Variants in PRKAB2 observed in about 807,000 individuals in gnomAD.
The protein encoded by PRKAB2 is protein kinase AMP-activated non-catalytic subunit beta 2, also known as 5'-AMP-activated protein kinase subunit beta-2.
A neutral mutation model predicts 29.8 loss-of-function variants in PRKAB2; 18 were observed. The ratio of observed to expected loss-of-function variants is 0.60; its 90% CI spans 0.42 to 0.89. The LOEUF is 0.89. Ranked by LOEUF, PRKAB2 falls within the 40% of genes least tolerant of loss-of-function variation. The pLI is 0.00. For synonymous variants in PRKAB2, 136 were observed against 125.9 expected (o/e 1.08, Z -0.54); for missense variants, 270 against 344.3 (o/e 0.78, Z 1.71).
In PRKAB2 at chr1:147,159,115, G is replaced by T. The variant is rs1329367813; in HGVS notation, c.*450C>A. 1 of 159,304 alleles carries T rather than the reference G, an allele frequency of 6.3e-6. No homozygotes were observed. Among genetic ancestry groups the T allele is most frequent in the Non-Finnish European group, 1.4e-5 (1 of 72,392 alleles). The allele number at this position is 159,304 out of a possible 1,614,324, so 9.9% of individuals were successfully genotyped here. A position where few individuals can be genotyped will look rare whatever the true frequency, so the allele number is the denominator to read the frequency against. On this transcript the variant is annotated 3_prime_UTR_variant, in exon 8 of 8. Transcript: ENST00000254101. ...GCAAGAAAAACTGCCCTTGCAATGA[G>T]GCAGCTGTTAAGTAGGGCAGCGGTC...
At chr1:147,159,693 T>TA in intron 7 of PRKAB2, 51 bp from the exon 8 acceptor site, 1 of 1,515,904 alleles carries the variant, frequency 6.6e-7, no homozygotes. Context: ...AGACAGTAGG[T>TA]AGCTCTTCCC....
chr1:147,165,351 G>C (rs183234832), intron 5 of PRKAB2, among the ~76,000 whole-genome samples: 3 of 152,264 alleles, frequency 2.0e-5, no homozygotes, highest in Admixed American at 2.0e-4. Flanking sequence ...AAACAGCAAA[G>C]CCACCCTTCT....
chr1:147,169,576 CAA>C (rs1654416986), intron 2 of PRKAB2, among the ~76,000 whole-genome samples: 1 of 152,002 alleles, frequency 6.6e-6, no homozygotes, highest in East Asian at 1.9e-4. Flanking sequence ...GTTAAAATAA[CAA>C]AGAAAAAACC....
intron 7 of PRKAB2, 98 bp from the exon 8 acceptor site, chr1:147,159,740 A>T: frequency 9.4e-7 from 1 of 1,060,930 alleles, no homozygotes; most frequent in East Asian, 2.5e-5. Flanking sequence ...CTTTTAACAG[A>T]GATAGTTTGA....
Position 147,167,882 on chromosome 1 carries a change from C to T in PRKAB2, c.208G>A (p.Val70Ile), listed in dbSNP as rs782714734. ...VSWQQDLEDS[V>I]KPTQQARPTV... ...GGCCGGGCCTGCTGTGTGGGCTTTA[C>T]GGAGTCCTCCAAATCCTGCTGCCAT... Residue 70 changes from valine (V) to isoleucine (I), a missense_variant, in exon 3 of 8, where the codon GTA becomes ATA. Val to Ile is a conservative substitution (Grantham distance 29, BLOSUM62 3). Coordinates refer to ENST00000254101, the MANE Select transcript of PRKAB2 (RefSeq NM_005399.5). 4.7e-5 allele frequency: 76 copies of T among 1,613,982 alleles called. 1 individual carries two copies. The highest frequency in any genetic ancestry group is 5.7e-5 in the Non-Finnish European group (67 of 1,180,006).
At chr1:147,171,607 A>G (rs1437340685) in intron 2 of PRKAB2, among the ~76,000 whole-genome samples, 2 of 152,172 alleles carry the variant, frequency 1.3e-5, no homozygotes, top group Non-Finnish European at 2.9e-5. Context: ...AGAAACTACC[A>G]CCTATGGTCA....
Position 147,161,671 on chromosome 1 carries a change from C to A in PRKAB2, c.741+41G>T, listed in dbSNP as rs782068634. ...AGAACGTATGTTACCCTTGACCTCT[C>A]ATTCCAGGGAGCTCTGTGAAGAGCC... On this transcript the variant is annotated intron_variant, in intron 7 of 7. Transcript: ENST00000254101. The A allele has an allele frequency of 9.2e-6, 14 of 1,526,828 alleles. No homozygotes were observed. In the Admixed American group the frequency reaches 2.2e-4, roughly 24 times the overall value. The allele number at this position is 1,526,828 out of a possible 1,614,324, so 94.6% of individuals were successfully genotyped here. A position where few individuals can be genotyped will look rare whatever the true frequency, so the allele number is the denominator to read the frequency against.
Position 147,162,493 on chromosome 1 carries a change from T to C in PRKAB2, c.619A>G (p.Ile207Val), listed in dbSNP as rs1654018724. Residue 207 changes from isoleucine (I) to valine (V), a missense_variant, in exon 6 of 8, where the codon ATC (isoleucine) becomes GTC (valine). By Grantham distance (29) the Ile-to-Val change is conservative. Coordinates refer to ENST00000254101, the MANE Select transcript of PRKAB2 (RefSeq NM_005399.5). ...ACTTGAAGTAGATGAGGAGGAAGGATGGGTGGGGATTTGAATCTTTCCTCA... is the reference window on the plus strand; with the variant it reads ...ACTTGAAGTAGATGAGGAGGAAGGACGGGTGGGGATTTGAATCTTTCCTCA... ...RSEERFKSPP[I>V]LPPHLLQVIL... The C allele has an allele frequency of 1.9e-6, 3 of 1,611,262 alleles. No homozygotes were observed. The highest frequency in any genetic ancestry group is 3.3e-5 in the Admixed American group (2 of 59,966).
rs979998581 is a variant in PRKAB2 at position 147,156,756 on chromosome 1, C to G, written c.*2809G>C. The G allele has an allele frequency of 3.9e-5, 6 of 152,164 alleles. No individual in the cohort carries two copies. Among genetic ancestry groups the G allele is most frequent in the Admixed American group, 2.0e-4 (3 of 15,272 alleles). 9.4% of individuals were successfully genotyped at this position (152,164 alleles called of 1,614,324 possible). On this transcript the variant is annotated 3_prime_UTR_variant, in exon 8 of 8. Coordinates refer to ENST00000254101, the MANE Select transcript of PRKAB2 (RefSeq NM_005399.5). Reference sequence around the variant, plus strand: ...GTCTGCCTGACACATGAGCTTAAAGCAGAATGGAAAGGAAAGAGGAGAGAA... The same window carrying G: ...GTCTGCCTGACACATGAGCTTAAAGGAGAATGGAAAGGAAAGAGGAGAGAA...
chr1:147,161,056 T>A (rs912095883), intron 7 of PRKAB2, among the ~76,000 whole-genome samples: 1 of 152,254 alleles, frequency 6.6e-6, no homozygotes, highest in Admixed American at 6.5e-5. Context: ...TCTGTATTTT[T>A]ACAATCTTCT....
intron 5 of PRKAB2, among the ~76,000 whole-genome samples, chr1:147,164,511 A>G (rs75487658): frequency 6.6e-6 from 1 of 152,346 alleles, no homozygotes; most frequent in East Asian, 1.9e-4. Flanking sequence ...AGCAGAAGTA[A>G]TACTCTGATA....
chr1:147,167,731 T>G, intron 3 of PRKAB2, 36 bp downstream of exon 3: 2 of 1,595,658 alleles, frequency 1.3e-6, no homozygotes, highest in Non-Finnish European at 1.7e-6. Flanking sequence ...AGGTCTCTAT[T>G]CCTGGACCCT....
At position 147,172,099 on chromosome 1, in the gene PRKAB2, C is replaced by T. The variant is rs782065025; in HGVS notation, c.46G>A (p.Ala16Thr). The T allele has an allele frequency of 1.5e-5, 24 of 1,559,034 alleles. No individual in the cohort carries two copies. In the South Asian group the frequency reaches 2.8e-4, roughly 18 times the overall value. ...SDRVSGERHGAKAARSEGAGG... is the reference protein window; with the variant it reads ...SDRVSGERHGTKAARSEGAGG... ...GCGCCCTCGGAGCGTGCAGCCTTGGCGCCGTGGCGCTCCCCGGACACCCGG... is the reference window on the plus strand; with the variant it reads ...GCGCCCTCGGAGCGTGCAGCCTTGGTGCCGTGGCGCTCCCCGGACACCCGG... Residue 16 changes from alanine to threonine, a missense_variant, in exon 2 of 8, where the codon GCC becomes ACC. Around this residue, in one of 2 missense-constraint regions of PRKAB2, gnomAD observed 228 missense variants for 255.5 expected, o/e 0.89. Coordinates refer to ENST00000254101, the MANE Select transcript of PRKAB2 (RefSeq NM_005399.5).
chr1:147,158,066 C>T lies in PRKAB2; in HGVS notation c.*1499G>A, dbSNP rs1029316243. On this transcript the variant is annotated 3_prime_UTR_variant, in exon 8 of 8. Coordinates refer to ENST00000254101, the MANE Select transcript of PRKAB2 (RefSeq NM_005399.5). ...CTGAGCAGTCAGGGAGTCTCTCATT[C>T]ATCAACAGTTTAGCCTCCTTTAGTG... 6.6e-6 allele frequency: 1 copy of T among 152,076 alleles called. No individual in the cohort carries two copies. 9.4% of individuals were successfully genotyped at this position (152,076 alleles called of 1,614,324 possible). A position where few individuals can be genotyped will look rare whatever the true frequency, so the allele number is the denominator to read the frequency against.
At chr1:147,172,192 T>TG (rs1654676515) in intron 1 of PRKAB2, 25 bp from the exon 2 acceptor site, 9 of 1,502,432 alleles carry the variant, frequency 6.0e-6, no homozygotes, top group Non-Finnish European at 8.0e-6. Context: ...GACACCGGGC[T>TG]GGGAACACCT....
chr1:147,167,029 T>C (rs1654284858), intron 3 of PRKAB2, 90 bp from the exon 4 acceptor site: 1 of 1,079,116 alleles, frequency 9.3e-7, no homozygotes, highest in Non-Finnish European at 1.4e-6. Context: ...ATCATATGAA[T>C]AATTTCCCAG....
intron 7 of PRKAB2, among the ~76,000 whole-genome samples, chr1:147,161,447 TTAGTG>T (rs1653955146): frequency 6.7e-6 from 1 of 148,426 alleles, no homozygotes; most frequent in African/African-American, 2.4e-5. Flanking sequence ...AAGTAAACAG[TTAGTG>T]TAAAGATTCT....
intron 5 of PRKAB2, 23 bp from the exon 6 acceptor site, chr1:147,162,596 T>A (rs782529654): frequency 6.3e-7 from 1 of 1,586,130 alleles, no homozygotes; most frequent in Non-Finnish European, 8.6e-7. Flanking sequence ...TATACAAATA[T>A]GAGAAAGAGT....
In PRKAB2 at chr1:147,157,662, G is replaced by A. The variant is rs1553912591; in HGVS notation, c.*1903C>T. On this transcript the variant is annotated 3_prime_UTR_variant, in exon 8 of 8. Transcript: ENST00000254101. ...TTCCTAAGTGGCCCACTTATTTAAT[G>A]AGTATTGGATAAAAACAAAATTCTA... The A allele has an allele frequency of 6.6e-6, 1 of 152,052 alleles. No individual in the cohort carries two copies. The highest frequency in any genetic ancestry group is 1.5e-5 in the Non-Finnish European group (1 of 68,002). 9.4% of individuals were successfully genotyped at this position (152,052 alleles called of 1,614,324 possible). A position where few individuals can be genotyped will look rare whatever the true frequency, so the allele number is the denominator to read the frequency against.
Sources: allele counts gnomAD v4.1 joint callset (sites outside exome capture counted in the v4.1 genomes callset), GRCh38; gene constraint gnomAD v4.1.1; regional missense constraint gnomAD v4.1.1; transcripts MANE v1.5; gene names NCBI Gene and HGNC (gene_info 2026-07-23, HGNC 2026-07-21).